LSS: variants seen among roughly 807,000 people sequenced by gnomAD.
The protein encoded by LSS is lanosterol synthase, also known as 2,3-epoxysqualene-lanosterol cyclase.
Under a neutral mutation model 110.3 loss-of-function variants are expected in LSS, and 90 were observed. The observed-to-expected ratio is 0.82, with a 90% CI of 0.69 to 0.97. The LOEUF is 0.97. Ranked by LOEUF, LSS falls within the 50% of genes least tolerant of loss-of-function variation. The pLI is 0.00. For missense variants in LSS, 927 were observed against 990.0 expected (o/e 0.94, Z 0.85); for synonymous variants, 433 against 400.0 (o/e 1.08, Z -0.98).
intron 11 of LSS, among the ~76,000 whole-genome samples, chr21:46,211,838 G>A (rs1044902428): frequency 6.6e-6 from 1 of 152,176 alleles, no homozygotes; most frequent in African/African-American, 2.4e-5. Flanking sequence ...CACGAGAGAC[G>A]GCTGGACTAA....
chr21:46,211,372 G>A lies in LSS; in HGVS notation c.1138-628C>T, dbSNP rs376900877. The stretch of plus-strand genomic sequence containing the variant: ...TCTCTATCTCCTGACCTTGTGATCC[G>A]CCCACCTTGGCCTCCCAAAGTGTAG... On this transcript the variant is annotated intron_variant, in intron 11 of 21. Coordinates refer to ENST00000397728, the MANE Select transcript of LSS (RefSeq NM_002340.6). Among the ~76,000 whole-genome samples the A allele has an allele frequency of 3.4e-4, 52 of 152,200 alleles. 1 individual carries two copies. Among genetic ancestry groups the A allele is most frequent in the African/African-American group, 1.2e-3 (50 of 41,528 alleles).
intron 20 of LSS, chr21:46,192,631 C>G: frequency 2.7e-6 from 1 of 370,172 alleles, no homozygotes; most frequent in Non-Finnish European, 5.4e-6. Flanking sequence ...GCGGGTGCAT[C>G]TGCATATGTG....
intron 17 of LSS, among the ~76,000 whole-genome samples, chr21:46,204,705 C>A (rs897242265): frequency 6.6e-6 from 1 of 152,106 alleles, no homozygotes; most frequent in Non-Finnish European, 1.5e-5. Context: ...CCAGGCCCAA[C>A]TGGCATTTCC....
chr21:46,189,936 T>G lies in LSS; in HGVS notation c.*1168A>C. ...GACCTGAACTTCCCACCCCAAGCCC[T>G]ACATCCATGCAAGCCAGACCAGACT... On this transcript the variant is annotated 3_prime_UTR_variant, in exon 22 of 22. Coordinates refer to ENST00000397728, the MANE Select transcript of LSS (RefSeq NM_002340.6). The G allele has an allele frequency of 2.8e-6, 1 of 353,014 alleles. No individual in the cohort carries two copies. Among genetic ancestry groups the G allele is most frequent in the South Asian group, 2.1e-5 (1 of 48,542 alleles). The allele number at this position is 353,014 out of a possible 1,614,324, so 21.9% of individuals were successfully genotyped here.
intron 17 of LSS, 55 bp downstream of exon 17, chr21:46,205,781 G>T: frequency 7.2e-7 from 1 of 1,390,412 alleles, no homozygotes; most frequent in Non-Finnish European, 1.0e-6. Context: ...GATGCGTCTG[G>T]GTCTTGGCCC....
At chr21:46,217,579 A>G (rs1312997602) in intron 6 of LSS, among the ~76,000 whole-genome samples, 1 of 152,144 alleles carries the variant, frequency 6.6e-6, no homozygotes, top group Non-Finnish European at 1.5e-5. Context: ...TTACACTTCC[A>G]GCATTTCGCA....
intron 11 of LSS, among the ~76,000 whole-genome samples, chr21:46,212,813 A>G (rs1276923666): frequency 6.6e-6 from 1 of 152,232 alleles, no homozygotes; most frequent in Non-Finnish European, 1.5e-5. Flanking sequence ...CAAACAGGAC[A>G]GCTGCAGACA....
In LSS at chr21:46,204,858, G is replaced by T. The variant is rs374714588; in HGVS notation, c.1670+978C>A. Reference sequence around the variant, plus strand: ...GAAAACCTGACAAAAACATTATAAAGAAAAAAAAATTATAGACCAGCGTCT... The same window carrying T: ...GAAAACCTGACAAAAACATTATAAATAAAAAAAAATTATAGACCAGCGTCT... On this transcript the variant is annotated intron_variant, in intron 17 of 21. Transcript: ENST00000397728. Among the ~76,000 whole-genome samples, 36 of 151,280 alleles carry T rather than the reference G, an allele frequency of 2.4e-4. No homozygotes were observed. In the South Asian group the frequency reaches 6.7e-3, roughly 28 times the overall value.
intron 20 of LSS, chr21:46,193,211 T>C (rs2079852421): frequency 2.2e-6 from 1 of 445,960 alleles, no homozygotes; most frequent in South Asian, 1.6e-5. Flanking sequence ...ATGCTGTGGG[T>C]GTATCTGCAT....
intron 11 of LSS, among the ~76,000 whole-genome samples, chr21:46,211,335 T>C (rs981773803): frequency 7.2e-5 from 11 of 152,160 alleles, no homozygotes; most frequent in East Asian, 3.9e-4. Flanking sequence ...TTCACCATGT[T>C]AGCCAGGATG....
chr21:46,210,375 C>G (rs1343087854), intron 12 of LSS, among the ~76,000 whole-genome samples: 1 of 152,044 alleles, frequency 6.6e-6, no homozygotes, highest in Non-Finnish European at 1.5e-5. Flanking sequence ...CCAAGCAGTT[C>G]CAGTTCTAAG....
chr21:46,219,698 CAT>C, intron 5 of LSS, 126 bp from the exon 6 acceptor site: 2 of 541,650 alleles, frequency 3.7e-6, no homozygotes, highest in East Asian at 3.4e-5. Context: ...AGGGCAGCCT[CAT>C]GTGGATCTTG....
Position 46,209,612 on chromosome 21 carries a change from T to TG in LSS, c.1207dup (p.His403ProfsTer14). ...CAGGCAGGACGAAAACTCGGGCCTG[T>TG]GGTGCCCGCCCGCCTGGAAGAGACA... is the stretch of plus-strand genomic sequence containing the variant. On this transcript the variant is annotated frameshift_variant, in exon 13 of 22. Transcript: ENST00000397728. The surrounding 1 kb of genome is among the most constrained non-coding windows in gnomAD (Gnocchi z 4.4). The TG allele has an allele frequency of 6.3e-7, 1 of 1,591,826 alleles. No homozygotes were observed. The highest frequency in any genetic ancestry group is 8.5e-7 in the Non-Finnish European group (1 of 1,170,712).
Position 46,216,226 on chromosome 21 carries a change from C to T in LSS, c.783+163G>A, listed in dbSNP as rs1273877235. 3.9e-5 allele frequency among the ~76,000 whole-genome samples: 6 copies of T among 152,208 alleles called. No homozygotes were observed. On this transcript the variant is annotated intron_variant, in intron 7 of 21. Coordinates refer to ENST00000397728, the MANE Select transcript of LSS (RefSeq NM_002340.6). This position sits in a 1 kb window ranked among gnomAD's most constrained non-coding sequence, Gnocchi z 4.2. ...GTCCCCTCTGGGCAGAGCTTGCTCA[C>T]TGTTTATTATAGGATGGAGGAAGGT... is the stretch of plus-strand genomic sequence containing the variant.
Position 46,221,979 on chromosome 21 carries a change from C to A in LSS, c.429-4G>T. On this transcript the variant is annotated splice_region_variant and splice_polypyrimidine_tract_variant and intron_variant, in intron 4 of 21. Coordinates refer to ENST00000397728, the MANE Select transcript of LSS (RefSeq NM_002340.6). The stretch of plus-strand genomic sequence containing the variant: ...GGTGGACTTATCCTCAATGTGCCTA[C>A]AGGAGCAGAGGACAGGTGAGAAACC... 1 of 1,614,132 alleles carries A rather than the reference C, an allele frequency of 6.2e-7. No individual in the cohort carries two copies. Among genetic ancestry groups the A allele is most frequent in the Non-Finnish European group, 8.5e-7 (1 of 1,180,014 alleles).
chr21:46,195,350 G>T (rs115252347), intron 19 of LSS, among the ~76,000 whole-genome samples: 1,584 of 152,296 alleles, frequency 0.01, 27 homozygotes, highest in African/African-American at 0.037. Flanking sequence ...GAAGGCCGAG[G>T]TAGGAAGACT....
chr21:46,222,262 T>C (rs574590345), intron 4 of LSS: 38 of 533,154 alleles, frequency 7.1e-5, no homozygotes, highest in Non-Finnish European at 1.0e-4. Flanking sequence ...CTTTGGGCTA[T>C]GGCTCTGCTC....
chr21:46,216,383 T>A lies in LSS; in HGVS notation c.783+6A>T. ...GCCTTCACTTTGTTCCCTGATGAGGTCCTACCTGGCGGAGGCTCTGGACCA... is the reference window on the plus strand; with the variant it reads ...GCCTTCACTTTGTTCCCTGATGAGGACCTACCTGGCGGAGGCTCTGGACCA... On this transcript the variant is annotated splice_donor_region_variant and intron_variant, in intron 7 of 21. Coordinates refer to ENST00000397728, the MANE Select transcript of LSS (RefSeq NM_002340.6). The surrounding 1 kb of genome is among the most constrained non-coding windows in gnomAD (Gnocchi z 4.2). 1 of 1,613,644 alleles carries A rather than the reference T, an allele frequency of 6.2e-7. No homozygotes were observed. Among genetic ancestry groups the A allele is most frequent in the Non-Finnish European group, 8.5e-7 (1 of 1,179,988 alleles).
chr21:46,207,184 C>T (rs1427901535), intron 15 of LSS, among the ~76,000 whole-genome samples: 2 of 152,264 alleles, frequency 1.3e-5, no homozygotes, highest in Non-Finnish European at 2.9e-5. Context: ...CCGGCTCCCC[C>T]AAGTATCGGT....
Sources: gnomAD v4.1 joint callset for allele counts (sites outside exome capture counted in the v4.1 genomes callset) on GRCh38, gnomAD v4.1.1 for gene constraint, Gnocchi (gnomAD v3.1) non-coding constraint, MANE v1.5 for transcripts, NCBI Gene and HGNC (gene_info 2026-07-23, HGNC 2026-07-21) for gene names.